The following INPP1 variants were observed in gnomAD, a reference collection of about 807,000 sequenced individuals.
The protein encoded by INPP1 is inositol polyphosphate 1-phosphatase.
In INPP1, 18 loss-of-function variants were observed where a neutral mutation model predicts 23.0. The ratio of observed to expected loss-of-function variants is 0.78; its 90% CI spans 0.54 to 1.16. INPP1 has a LOEUF of 1.16. Among genes scored for constraint, INPP1 ranks in the 50% most tolerant of loss-of-function variants. The probability of loss-of-function intolerance (pLI) is 0.00; values close to 1 mark genes in which losing one functional copy is unlikely to be tolerated. For synonymous variants in INPP1, 164 were observed against 176.3 expected (o/e 0.93, Z 0.55); for missense variants, 448 against 482.1 (o/e 0.93, Z 0.66).
At position 190,354,391 on chromosome 2, in the gene INPP1, C is replaced by T. The variant is rs1007991316; in HGVS notation, c.-65+5360C>T. Among the ~76,000 whole-genome samples, 1 of 152,044 alleles carries T rather than the reference C, an allele frequency of 6.6e-6. No homozygotes were observed. Among genetic ancestry groups the T allele is most frequent in the Non-Finnish European group, 1.5e-5 (1 of 67,998 alleles). ...GGCTAAATTATGTTACTTCAAAATT[C>T]ACATGTTGAAGCCCCAACCCCCAGT... On this transcript the variant is annotated intron_variant, in intron 2 of 6. Transcript: ENST00000392329. The surrounding 1 kb of genome is among the most constrained non-coding windows in gnomAD (Gnocchi z 4.8).
chr2:190,353,105 A>C (rs1170689494), intron 2 of INPP1, among the ~76,000 whole-genome samples: 1 of 152,218 alleles, frequency 6.6e-6, no homozygotes, highest in Admixed American at 6.5e-5. Context: ...GTTTTGTGGC[A>C]GGCCCTTATC....
At chr2:190,370,632 T>A (rs1265132888) in intron 6 of INPP1, among the ~76,000 whole-genome samples, 1 of 152,218 alleles carries the variant, frequency 6.6e-6, no homozygotes, top group Non-Finnish European at 1.5e-5. Flanking sequence ...ATTGAAAGCA[T>A]TTCTAATTGC....
chr2:190,361,267 T>C (rs953764556), intron 3 of INPP1, among the ~76,000 whole-genome samples: 1 of 152,240 alleles, frequency 6.6e-6, no homozygotes, highest in Non-Finnish European at 1.5e-5. Flanking sequence ...TTGCCTTTTA[T>C]ATGATAATCT....
At position 190,346,191 on chromosome 2, in the gene INPP1, T is replaced by A. The variant is rs1232440942; in HGVS notation, c.-209+2230T>A. Among the ~76,000 whole-genome samples the A allele has an allele frequency of 6.6e-6, 1 of 152,100 alleles. No individual in the cohort carries two copies. The highest frequency in any genetic ancestry group is 1.5e-5 in the Non-Finnish European group (1 of 68,020). Reference sequence around the variant, plus strand: ...AACTTGAGACTTCCTGGATCAGAATTTCTAAGAGAAAGGAGATATTTCAAA... The same window carrying A: ...AACTTGAGACTTCCTGGATCAGAATATCTAAGAGAAAGGAGATATTTCAAA... On this transcript the variant is annotated intron_variant, in intron 1 of 6. Coordinates refer to ENST00000392329, the MANE Select transcript of INPP1 (RefSeq NM_001128928.2). The surrounding 1 kb of genome is among the most constrained non-coding windows in gnomAD (Gnocchi z 5.1).
At chr2:190,353,754 C>G (rs1276788807) in intron 2 of INPP1, among the ~76,000 whole-genome samples, 1 of 152,216 alleles carries the variant, frequency 6.6e-6, no homozygotes, top group Admixed American at 6.5e-5. Context: ...CTTTCTGATT[C>G]AAAAGCCTGT....
intron 1 of INPP1, 21 bp downstream of exon 1, chr2:190,343,982 C>T (rs1208037451): frequency 1.3e-5 from 4 of 298,502 alleles, no homozygotes; most frequent in African/African-American, 9.3e-5. Flanking sequence ...TTCCTCCTTA[C>T]GACACCCACC....
Position 190,371,329 on chromosome 2 carries a change from G to A in INPP1, c.1127G>A (p.Arg376Lys). The A allele has an allele frequency of 1.3e-6, 2 of 1,579,536 alleles. No homozygotes were observed. The highest frequency in any genetic ancestry group is 1.7e-6 in the Non-Finnish European group (2 of 1,161,862). The stretch of plus-strand genomic sequence containing the variant: ...AACAAGGGAGGACTCATTGCATACA[G>A]ATCCAGGAAGCGGCTGGAGACATTC... The part of the protein sequence containing the change: ...WANKGGLIAY[R>K]SRKRLETFLS... Residue 376 changes from arginine to lysine, a missense_variant, in exon 7 of 7, where the codon AGA (arginine) becomes AAA (lysine). Arg to Lys is a conservative substitution (Grantham distance 26, BLOSUM62 2). Transcript: ENST00000392329. The surrounding 1 kb of genome is among the most constrained non-coding windows in gnomAD (Gnocchi z 5.3).
rs1559085910 is a variant in INPP1, at chr2:190,367,478, C to G, written c.466+583C>G. Among the ~76,000 whole-genome samples, 1 of 152,186 alleles carries G rather than the reference C, an allele frequency of 6.6e-6. No individual in the cohort carries two copies. The highest frequency in any genetic ancestry group is 1.5e-5 in the Non-Finnish European group (1 of 68,036). ...TGTGACGCATGAGCAGTTTGTGAGC[C>G]CTGCATGAGCTCTACATTTTTTTTG... is the stretch of plus-strand genomic sequence containing the variant. On this transcript the variant is annotated intron_variant, in intron 5 of 6. Transcript: ENST00000392329. This position sits in a 1 kb window ranked among gnomAD's most constrained non-coding sequence, Gnocchi z 4.1.
chr2:190,369,021 C>A, intron 5 of INPP1, 82 bp from the exon 6 acceptor site: 1 of 755,716 alleles, frequency 1.3e-6, no homozygotes, highest in Non-Finnish European at 2.0e-6. Flanking sequence ...GTTACCAAAT[C>A]AGTAGAAGAG....
At position 190,360,026 on chromosome 2, in the gene INPP1, T is replaced by A. The variant is rs2067402; in HGVS notation, c.-64-13T>A. 1 of 1,429,890 alleles carries A rather than the reference T, an allele frequency of 7.0e-7. No homozygotes were observed. Among genetic ancestry groups the A allele is most frequent in the East Asian group, 2.3e-5 (1 of 43,262 alleles). The allele number at this position is 1,429,890 out of a possible 1,614,324, so 88.6% of individuals were successfully genotyped here. A position where few individuals can be genotyped will look rare whatever the true frequency, so the allele number is the denominator to read the frequency against. On this transcript the variant is annotated splice_polypyrimidine_tract_variant and intron_variant, in intron 2 of 6. Coordinates refer to ENST00000392329, the MANE Select transcript of INPP1 (RefSeq NM_001128928.2). ...TGAACTGCTTTCTCTTTCACATTCT[T>A]GTATTTTTCCAGCTGACGGCCCAGA...
chr2:190,370,714 A>T, intron 6 of INPP1, 130 bp from the exon 7 acceptor site: 1 of 714,732 alleles, frequency 1.4e-6, no homozygotes, highest in Non-Finnish European at 2.4e-6. Flanking sequence ...CTATTCCTAG[A>T]CTTAAAGGTG....
At chr2:190,364,474 G>A (rs62182028) in intron 4 of INPP1, among the ~76,000 whole-genome samples, 23,029 of 151,188 alleles carry the variant, frequency 0.15, 2,246 homozygotes, top group Admixed American at 0.3. Flanking sequence ...CCCGGGAGGC[G>A]GAGCTTGCAG....
At position 190,363,325 on chromosome 2, in the gene INPP1, T is replaced by A. The variant is rs1689570280; in HGVS notation, c.265+638T>A. Among the ~76,000 whole-genome samples, 1 of 152,124 alleles carries A rather than the reference T, an allele frequency of 6.6e-6. No homozygotes were observed. Among genetic ancestry groups the A allele is most frequent in the Non-Finnish European group, 1.5e-5 (1 of 68,004 alleles). On this transcript the variant is annotated intron_variant, in intron 4 of 6. Coordinates refer to ENST00000392329, the MANE Select transcript of INPP1 (RefSeq NM_001128928.2). This position sits in a 1 kb window ranked among gnomAD's most constrained non-coding sequence, Gnocchi z 4.4. ...TCGGTTCACTGCAACCTCCACCTCC[T>A]GGATTCAAGCCATTCTCCTGCCTCA...
chr2:190,353,652 T>C (rs940681226), intron 2 of INPP1, among the ~76,000 whole-genome samples: 6 of 152,240 alleles, frequency 3.9e-5, no homozygotes, highest in Non-Finnish European at 7.3e-5. Flanking sequence ...TTAATCTTTA[T>C]ATTAAAGGTA....
Position 190,360,181 on chromosome 2 carries a change from G to A in INPP1, c.79G>A (p.Ala27Thr), listed in dbSNP as rs765875559. The A allele has an allele frequency of 2.5e-6, 4 of 1,614,078 alleles. No individual in the cohort carries two copies. In the South Asian group the frequency reaches 3.3e-5, roughly 13 times the overall value. ...TGCCCGGGCGTGCAGACAGCAGGAAGCCCTCTTCCAGCTGCTGATCGAAGA... is the reference window on the plus strand; with the variant it reads ...TGCCCGGGCGTGCAGACAGCAGGAAACCCTCTTCCAGCTGCTGATCGAAGA... ...NIARACRQQEALFQLLIEEKK... is the reference protein window; with the variant it reads ...NIARACRQQETLFQLLIEEKK... Residue 27 changes from alanine to threonine, a missense_variant, in exon 3 of 7, where the codon GCC becomes ACC. Physicochemically the swap from Ala to Thr is moderately conservative, Grantham distance 58. Coordinates refer to ENST00000392329, the MANE Select transcript of INPP1 (RefSeq NM_001128928.2).
Position 190,360,057 on chromosome 2 carries a change from G to A in INPP1, c.-46G>A. 1.3e-6 allele frequency: 2 copies of A among 1,585,586 alleles called. No individual in the cohort carries two copies. Among genetic ancestry groups the A allele is most frequent in the Non-Finnish European group, 1.7e-6 (2 of 1,156,506 alleles). On this transcript the variant is annotated 5_prime_UTR_variant, in exon 3 of 7. Coordinates refer to ENST00000392329, the MANE Select transcript of INPP1 (RefSeq NM_001128928.2). ...TTTCCAGCTGACGGCCCAGAGGGTG[G>A]GTGCCAATTCCACCAGCAGCTGCAA... is the stretch of plus-strand genomic sequence containing the variant.
At chr2:190,362,544 G>T in intron 3 of INPP1, 83 bp from the exon 4 acceptor site, 1 of 741,102 alleles carries the variant, frequency 1.3e-6, no homozygotes, top group Non-Finnish European at 2.2e-6. Flanking sequence ...TATTTAATTT[G>T]AAATATAAAA....
chr2:190,364,455 TGGCGTGAACCC>T (rs1200842417), intron 4 of INPP1, among the ~76,000 whole-genome samples: 10 of 150,954 alleles, frequency 6.6e-5, no homozygotes, highest in South Asian at 2.1e-4. Flanking sequence ...GGCAGGAGAA[TGGCGTGAACCC>T]GGGAGGCGGA....
At chr2:190,350,207 A>T (rs971972615) in intron 2 of INPP1, among the ~76,000 whole-genome samples, 7 of 152,250 alleles carry the variant, frequency 4.6e-5, no homozygotes, top group African/African-American at 1.4e-4. Context: ...TCTGAGAAGT[A>T]TCCGAAATTC....
Sources: allele counts gnomAD v4.1 joint callset (sites outside exome capture counted in the v4.1 genomes callset), GRCh38; gene constraint gnomAD v4.1.1; non-coding constraint Gnocchi (gnomAD v3.1); transcripts MANE v1.5; gene names NCBI Gene and HGNC (gene_info 2026-07-23, HGNC 2026-07-21).